The following FBN1 variants were observed in gnomAD, a reference collection of about 807,000 sequenced individuals.
FBN1 encodes fibrillin-1.
A neutral mutation model predicts 365.1 loss-of-function variants in FBN1; 29 were observed. The ratio of observed to expected loss-of-function variants is 0.08; its 90% CI spans 0.06 to 0.11. FBN1 has a LOEUF of 0.11. FBN1 is among the 10% of genes least tolerant of loss of function. The pLI, the probability that FBN1 is intolerant of heterozygous loss-of-function variation, is 1.00. For synonymous variants in FBN1, 1,210 were observed against 1,270.5 expected (o/e 0.95, Z 1.01); for missense variants, 2,476 against 3,703.2 (o/e 0.67, Z 8.60).
At chr15:48,600,020 C>T in intron 5 of FBN1, 119 bp downstream of exon 5, 1 of 770,696 alleles carries the variant, frequency 1.3e-6, no homozygotes, top group Non-Finnish European at 2.3e-6. Flanking sequence ...GGTCACTGGA[C>T]ACTTGTAAAC....
At chr15:48,606,164 T>A (rs146455566) in intron 4 of FBN1, among the ~76,000 whole-genome samples, 1 of 152,180 alleles carries the variant, frequency 6.6e-6, no homozygotes, top group African/African-American at 2.4e-5. Flanking sequence ...CAAAAACAGT[T>A]TGACAGTTCT....
Position 48,421,745 on chromosome 15 carries a change from A to G in FBN1, c.7571-59T>C. ...AATTCCCCAAAGCTCTCTTTGTATCATTTAAAAGAAAATTAGAAGGATAAC... is the reference window on the plus strand; with the variant it reads ...AATTCCCCAAAGCTCTCTTTGTATCGTTTAAAAGAAAATTAGAAGGATAAC... On this transcript the variant is annotated intron_variant, in intron 61 of 65. Transcript: ENST00000316623. 2.5e-6 allele frequency: 4 copies of G among 1,583,178 alleles called. No homozygotes were observed. In the South Asian group the frequency reaches 4.6e-5, roughly 18 times the overall value.
chr15:48,502,266 G>C (rs1436454342), intron 17 of FBN1, among the ~76,000 whole-genome samples: 1 of 152,130 alleles, frequency 6.6e-6, no homozygotes, highest in Non-Finnish European at 1.5e-5. Flanking sequence ...AGCTGGTCTT[G>C]AACTCCTAAC....
At chr15:48,474,186 G>T in intron 34 of FBN1, 69 bp downstream of exon 34, 1 of 1,606,394 alleles carries the variant, frequency 6.2e-7, no homozygotes, top group Non-Finnish European at 8.5e-7. Flanking sequence ...AGAATTGCTA[G>T]CCTGAGAAAT....
At chr15:48,542,011 T>C (rs921427111) in intron 6 of FBN1, among the ~76,000 whole-genome samples, 2 of 152,340 alleles carry the variant, frequency 1.3e-5, no homozygotes, top group Non-Finnish European at 2.9e-5. Context: ...TGGGAAATTC[T>C]GCATCTCCAT....
intron 6 of FBN1, among the ~76,000 whole-genome samples, chr15:48,545,046 G>T (rs1372174001): frequency 6.6e-6 from 1 of 152,186 alleles, no homozygotes; most frequent in Non-Finnish European, 1.5e-5. Context: ...ACCAAACACT[G>T]AAGTTTGACC....
At chr15:48,549,558 T>G (rs572223293) in intron 6 of FBN1, among the ~76,000 whole-genome samples, 2 of 152,344 alleles carry the variant, frequency 1.3e-5, no homozygotes, top group South Asian at 2.1e-4. Flanking sequence ...AAATCCCCTC[T>G]TCTGCTTAAG....
chr15:48,428,601 T>G (rs1008686099), intron 56 of FBN1, 130 bp from the exon 57 acceptor site: 15 of 972,846 alleles, frequency 1.5e-5, no homozygotes, highest in Non-Finnish European at 2.3e-5. Flanking sequence ...TCTCCTTTCC[T>G]TCCTCCCTTC....
intron 25 of FBN1, among the ~76,000 whole-genome samples, chr15:48,489,408 A>G (rs1349236087): frequency 3.3e-5 from 5 of 152,036 alleles, no homozygotes; most frequent in Non-Finnish European, 5.9e-5. Context: ...GCATACATGT[A>G]ACATGTGACC....
At chr15:48,585,570 C>T (rs939378502) in intron 6 of FBN1, among the ~76,000 whole-genome samples, 4 of 152,296 alleles carry the variant, frequency 2.6e-5, no homozygotes, top group Admixed American at 6.5e-5. Flanking sequence ...TCCCTCTCAT[C>T]GACTTCAAGA....
chr15:48,600,021 A>G, intron 5 of FBN1, 118 bp downstream of exon 5: 2 of 779,814 alleles, frequency 2.6e-6, no homozygotes, highest in South Asian at 1.5e-5. Context: ...GTCACTGGAC[A>G]CTTGTAAACA....
intron 6 of FBN1, among the ~76,000 whole-genome samples, chr15:48,582,575 C>T (rs1211372934): frequency 6.6e-6 from 1 of 152,154 alleles, no homozygotes; most frequent in Non-Finnish European, 1.5e-5. Context: ...TAGTGACTGA[C>T]GTGGTGGCCA....
At chr15:48,446,908 G>T in intron 46 of FBN1, 86 bp from the exon 47 acceptor site, 1 of 871,664 alleles carries the variant, frequency 1.1e-6, no homozygotes, top group Non-Finnish European at 1.9e-6. Flanking sequence ...GCATTTTAGG[G>T]TTCACCAGGC....
chr15:48,442,493 T>C (rs2043123888), intron 49 of FBN1, among the ~76,000 whole-genome samples: 1 of 152,256 alleles, frequency 6.6e-6, no homozygotes, highest in Non-Finnish European at 1.5e-5. Flanking sequence ...GCTTTTTCTT[T>C]CATCATATAG....
intron 2 of FBN1, among the ~76,000 whole-genome samples, chr15:48,637,964 A>G (rs1029502713): frequency 1.3e-5 from 2 of 152,126 alleles, no homozygotes; most frequent in Non-Finnish European, 2.9e-5. Flanking sequence ...ATAAACAGGC[A>G]TGGATTTGTT....
intron 4 of FBN1, among the ~76,000 whole-genome samples, chr15:48,607,367 CATATAT>C (rs10587361): frequency 4.0e-4 from 59 of 146,194 alleles, no homozygotes; most frequent in Middle Eastern, 3.6e-3. Context: ...CATACATATA[CATATAT>C]ATATATATAT....
chr15:48,489,772 T>C, intron 25 of FBN1, 79 bp downstream of exon 25: 5 of 1,073,048 alleles, frequency 4.7e-6, no homozygotes, highest in Non-Finnish European at 7.3e-6. Context: ...GATGATCAAG[T>C]AGAGTGCTGA....
At chr15:48,440,312 G>T (rs1014231147) in intron 50 of FBN1, among the ~76,000 whole-genome samples, 2 of 152,160 alleles carry the variant, frequency 1.3e-5, no homozygotes, top group African/African-American at 4.8e-5. Flanking sequence ...CAGCTGGGCT[G>T]ATTCTTCCTG....
chr15:48,435,712 GTGTGTATATATA>G (rs1339657248), intron 53 of FBN1, among the ~76,000 whole-genome samples: 2 of 126,808 alleles, frequency 1.6e-5, no homozygotes, highest in African/African-American at 2.6e-5. Context: ...GTATATATAT[GTGTGTATATATA>G]TGTGTATATA....
Sources: allele counts gnomAD v4.1 joint callset (sites outside exome capture counted in the v4.1 genomes callset), GRCh38; gene constraint gnomAD v4.1.1; transcripts MANE v1.5; gene names NCBI Gene and HGNC (gene_info 2026-07-23, HGNC 2026-07-21).